TECR: variants seen among roughly 807,000 people sequenced by gnomAD.
TECR encodes the protein very-long-chain enoyl-CoA reductase.
Under a neutral mutation model 50.6 loss-of-function variants are expected in TECR, and 19 were observed. The ratio of observed to expected loss-of-function variants is 0.38; its 90% CI spans 0.26 to 0.55. The LOEUF is 0.55. TECR is among the 20% of genes least tolerant of loss of function. TECR has a pLI of 0.79. For missense variants in TECR, 313 were observed against 408.3 expected, an observed-to-expected ratio of 0.77 and a Z score of 2.01; for synonymous variants, 168 against 163.5, an observed-to-expected ratio of 1.03 and a Z score of -0.21.
intron 1 of TECR, among the ~76,000 whole-genome samples, chr19:14,535,571 T>A (rs1166570931): frequency 2.7e-4 from 7 of 25,916 alleles, no homozygotes; most frequent in Non-Finnish European, 5.7e-4. Context: ...TATATATATA[T>A]ATATATATAT....
chr19:14,540,249 T>C (rs1194764895), intron 1 of TECR, among the ~76,000 whole-genome samples: 1 of 151,494 alleles, frequency 6.6e-6, no homozygotes, highest in East Asian at 1.9e-4. Context: ...TTTTTATTTT[T>C]ACTAGAGACA....
At chr19:14,553,068 C>G (rs563908888) in intron 1 of TECR, among the ~76,000 whole-genome samples, 1 of 152,164 alleles carries the variant, frequency 6.6e-6, no homozygotes, top group African/African-American at 2.4e-5. Context: ...CCCAGGTTCT[C>G]CAACTTCCCA....
In TECR at chr19:14,563,864, G is replaced by C; in HGVS notation, c.228G>C (p.Leu76=). 6.2e-7 allele frequency: 1 copy of C among 1,614,012 alleles called. No individual in the cohort carries two copies. Among genetic ancestry groups the C allele is most frequent in the South Asian group, 1.1e-5 (1 of 91,084 alleles). The change falls in exon 5 of 13, where the codon CTG becomes CTC. Residue 76 remains leucine (L), a synonymous_variant. Transcript: ENST00000215567. The surrounding 1 kb of genome is among the most constrained non-coding windows in gnomAD (Gnocchi z 5.3). ...QKLPVGTTAT[L]YFRDLGAQIS... ...TGCCCGTGGGCACCACGGCCACACTGTACTTCCGGGACCTGGGGGCCCAGA... is the reference window on the plus strand; with the variant it reads ...TGCCCGTGGGCACCACGGCCACACTCTACTTCCGGGACCTGGGGGCCCAGA...
In TECR at chr19:14,563,998, A is replaced by G. The variant is rs781406708; in HGVS notation, c.284A>G (p.Tyr95Cys). The G allele has an allele frequency of 4.3e-6, 7 of 1,614,066 alleles. No homozygotes were observed. The highest frequency in any genetic ancestry group is 5.1e-6 in the Non-Finnish European group (6 of 1,179,966). ...TACTCTCAGGTCTTCCTAACAGAGT[A>G]CGCGGGGCCCCTTTTCATCTACCTG... ...ISWVTVFLTE[Y>C]AGPLFIYLLF... is the part of the protein sequence containing the mutation. The change falls in exon 6 of 13, where the codon TAC (tyrosine) becomes TGC (cysteine). Residue 95 changes from tyrosine (Y) to cysteine (C), a missense_variant. Tyr to Cys is a radical substitution (Grantham distance 194, BLOSUM62 -2). Coordinates refer to ENST00000215567, the MANE Select transcript of TECR (RefSeq NM_138501.6). The surrounding 1 kb of genome is among the most constrained non-coding windows in gnomAD (Gnocchi z 5.3).
chr19:14,535,293 G>A (rs1055175400), intron 1 of TECR, among the ~76,000 whole-genome samples: 1 of 151,278 alleles, frequency 6.6e-6, no homozygotes, highest in Non-Finnish European at 1.5e-5. Context: ...GAATCACGAG[G>A]CCAGGAGATC....
intron 1 of TECR, among the ~76,000 whole-genome samples, chr19:14,554,888 C>T (rs1383039668): frequency 6.6e-6 from 1 of 151,992 alleles, no homozygotes; most frequent in Non-Finnish European, 1.5e-5. Context: ...AATCGATTCT[C>T]TTGCCTCAGC....
chr19:14,542,376 T>TTTTTTTTTTTG (rs1762683142), intron 1 of TECR, among the ~76,000 whole-genome samples: 1 of 110,124 alleles, frequency 9.1e-6, no homozygotes, highest in Non-Finnish European at 1.8e-5. Context: ...TTTTTTTTTT[T>TTTTTTTTTTTG]CTGAGATGGA....
At chr19:14,542,422 T>G in intron 1 of TECR, among the ~76,000 whole-genome samples, 1 of 134,082 alleles carries the variant, frequency 7.5e-6, no homozygotes. Flanking sequence ...AGTGCAGTGG[T>G]GCAATCTCGG....
At position 14,546,556 on chromosome 19, in the gene TECR, TTTTA is replaced by T. The variant is rs1183809628; in HGVS notation, c.16-15958_16-15955del. Among the ~76,000 whole-genome samples, 3 of 152,302 alleles carry T rather than the reference TTTTA, an allele frequency of 2.0e-5. No homozygotes were observed. In the East Asian group the frequency reaches 5.8e-4, roughly 29 times the overall value. ...GAGCAACCTCCTGCAGAAATTTTCTTTTTATTTATTTATTACAGAAACAGGGCTC... is the reference window on the plus strand; with the variant it reads ...GAGCAACCTCCTGCAGAAATTTTCTTTTTATTTATTACAGAAACAGGGCTC... On this transcript the variant is annotated intron_variant, in intron 1 of 12. Transcript: ENST00000215567.
At chr19:14,547,711 T>C (rs1306344349) in intron 1 of TECR, among the ~76,000 whole-genome samples, 1 of 150,274 alleles carries the variant, frequency 6.7e-6, no homozygotes, top group Non-Finnish European at 1.5e-5. Context: ...CAGGTTGGAG[T>C]GCAATGGTGC....
intron 1 of TECR, among the ~76,000 whole-genome samples, chr19:14,551,531 CT>C (rs1449174513): frequency 1.3e-5 from 2 of 152,190 alleles, no homozygotes; most frequent in Non-Finnish European, 1.5e-5. Flanking sequence ...ACACCGCCCC[CT>C]GTGGCAGTGC....
At chr19:14,529,469 C>T (rs1404007389), upstream of TECR, 10 of 665,188 alleles carry the variant, frequency 1.5e-5, no homozygotes, top group Middle Eastern at 3.9e-4. Flanking sequence ...GGTCAATCCC[C>T]TGGTGCTAGT....
At position 14,565,082 on chromosome 19, in the gene TECR, A is replaced by G. The variant is rs775216128; in HGVS notation, c.623A>G (p.Asn208Ser). The G allele has an allele frequency of 4.4e-5, 71 of 1,613,748 alleles. No homozygotes were observed. The highest frequency in any genetic ancestry group is 2.2e-5 in the South Asian group (2 of 91,080). ...CTCTGACAGATCTGCCAGCTCGGCA[A>G]CTTCTCCATCCACATGGCCCTGCGG... ...LAIFVICQLG[N>S]FSIHMALRDL... Residue 208 changes from asparagine (N) to serine (S), a missense_variant, in exon 10 of 13, where the codon AAC (asparagine) becomes AGC (serine). Asn to Ser is a conservative substitution (Grantham distance 46). Transcript: ENST00000215567.
At chr19:14,541,941 C>T (rs1428220787) in intron 1 of TECR, among the ~76,000 whole-genome samples, 3 of 152,048 alleles carry the variant, frequency 2.0e-5, no homozygotes, top group Non-Finnish European at 2.9e-5. Flanking sequence ...CGTGCCACCA[C>T]GCCTGGCGTA....
intron 7 of TECR, 37 bp from the exon 8 acceptor site, chr19:14,564,749 C>G (rs1189886323): frequency 3.1e-6 from 5 of 1,593,158 alleles, no homozygotes; most frequent in Non-Finnish European, 4.3e-6. Context: ...TTGTCCGGTG[C>G]TGGCCCAAGT....
intron 1 of TECR, among the ~76,000 whole-genome samples, chr19:14,536,202 C>T (rs2072892057): frequency 1.3e-5 from 2 of 151,618 alleles, no homozygotes; most frequent in Admixed American, 1.3e-4. Context: ...GTGCTAGGCT[C>T]ATATGCTTAA....
chr19:14,535,941 C>T (rs570267087), intron 1 of TECR, among the ~76,000 whole-genome samples: 1 of 152,036 alleles, frequency 6.6e-6, no homozygotes, highest in Admixed American at 6.6e-5. Context: ...GCAGATTCTC[C>T]TGGTGGAGTC....
chr19:14,560,540 A>G (rs376034223), intron 1 of TECR, among the ~76,000 whole-genome samples: 15 of 152,158 alleles, frequency 9.9e-5, no homozygotes, highest in East Asian at 9.6e-4. Context: ...GTGGGGCCCA[A>G]CGTCCTGCGT....
intron 1 of TECR, among the ~76,000 whole-genome samples, chr19:14,534,527 C>T (rs529879692): frequency 1.4e-5 from 2 of 145,782 alleles, no homozygotes; most frequent in Non-Finnish European, 1.5e-5. Context: ...CCTCCACCTC[C>T]CCGGTTCAAG....
Sources: gnomAD v4.1 joint callset for allele counts (sites outside exome capture counted in the v4.1 genomes callset) on GRCh38, gnomAD v4.1.1 for gene constraint, Gnocchi (gnomAD v3.1) non-coding constraint, MANE v1.5 for transcripts, NCBI Gene and HGNC (gene_info 2026-07-23, HGNC 2026-07-21) for gene names.